The following PIAS4 variants were observed in gnomAD, a reference collection of about 807,000 sequenced individuals.
PIAS4 encodes E3 SUMO-protein ligase PIAS4.
In PIAS4, 7 loss-of-function variants were observed where a neutral mutation model predicts 58.0. That is an observed-to-expected ratio of 0.12 (90% CI 0.07 to 0.23). The LOEUF is 0.23. PIAS4 is among the 10% of genes least tolerant of loss of function. PIAS4 has a pLI of 1.00. For synonymous variants in PIAS4, 364 were observed against 312.4 expected (o/e 1.17, Z -1.74); for missense variants, 550 against 709.5 (o/e 0.78, Z 2.55).
chr19:4,020,444 CGTT>C (rs113133319), intron 2 of PIAS4, among the ~76,000 whole-genome samples: 6 of 151,724 alleles, frequency 4.0e-5, no homozygotes, highest in Admixed American at 1.3e-4. Flanking sequence ...CCTGTCATCT[CGTT>C]GTCTCGTCTC....
In PIAS4 at chr19:4,038,829, C is replaced by T. The variant is rs1298637079; in HGVS notation, c.*954C>T. On this transcript the variant is annotated 3_prime_UTR_variant, in exon 11 of 11. Transcript: ENST00000262971. This position sits in a 1 kb window ranked among gnomAD's most constrained non-coding sequence, Gnocchi z 4.1. Reference sequence around the variant, plus strand: ...CCCGGCTCTCGGTTTGGGTTGATTCCTCTCCTTTTTGCTCTTGGTTTTCCG... The same window carrying T: ...CCCGGCTCTCGGTTTGGGTTGATTCTTCTCCTTTTTGCTCTTGGTTTTCCG... 5 of 153,258 alleles carry T rather than the reference C, an allele frequency of 3.3e-5. No homozygotes were observed. In the Admixed American group the frequency reaches 3.3e-4, roughly 10 times the overall value. The allele number at this position is 153,258 out of a possible 1,614,324, so 9.5% of individuals were successfully genotyped here.
At chr19:4,020,495 G>T (rs542868764) in intron 2 of PIAS4, among the ~76,000 whole-genome samples, 4 of 150,506 alleles carry the variant, frequency 2.7e-5, no homozygotes, top group Non-Finnish European at 4.4e-5. Context: ...CCAGATTCTC[G>T]CTCCCCCACG....
chr19:4,033,673 G>A (rs1172218154), intron 9 of PIAS4, 93 bp downstream of exon 9: 1 of 1,066,910 alleles, frequency 9.4e-7, no homozygotes, highest in Non-Finnish European at 1.3e-6. Context: ...TGGTGCCCCA[G>A]CAAGACACAG....
chr19:4,028,637 T>TTGGGGGGCGTGGAGGGAGGG, intron 5 of PIAS4, 37 bp downstream of exon 5: 1 of 1,609,156 alleles, frequency 6.2e-7, no homozygotes, highest in Non-Finnish European at 8.5e-7. Flanking sequence ...CTGCACGGGT[T>TTGGGGGGCGTGGAGGGAGGG]TGGGGGGCGT....
chr19:4,034,997 G>A (rs1274620660), intron 9 of PIAS4, among the ~76,000 whole-genome samples: 2 of 152,166 alleles, frequency 1.3e-5, no homozygotes, highest in African/African-American at 2.4e-5. Flanking sequence ...AAACGTTCCC[G>A]TTGCTGTGTG....
chr19:4,013,869 G>T lies in PIAS4; in HGVS notation c.454+520G>T, dbSNP rs561789668. On this transcript the variant is annotated intron_variant, in intron 2 of 10. Coordinates refer to ENST00000262971, the MANE Select transcript of PIAS4 (RefSeq NM_015897.4). This position sits in a 1 kb window ranked among gnomAD's most constrained non-coding sequence, Gnocchi z 5.1. ...GTGCACCTCCAAGCTGGGAGCTGGA[G>T]CCCTTTTTATAACCCAACCTCGGAC... Among the ~76,000 whole-genome samples, 1 of 152,126 alleles carries T rather than the reference G, an allele frequency of 6.6e-6. No homozygotes were observed. Among genetic ancestry groups the T allele is most frequent in the Non-Finnish European group, 1.5e-5 (1 of 68,002 alleles).
chr19:4,033,305 G>A, intron 8 of PIAS4, 115 bp from the exon 9 acceptor site: 1 of 1,315,840 alleles, frequency 7.6e-7, no homozygotes, highest in Non-Finnish European at 1.0e-6. Flanking sequence ...TCCCCTCCGT[G>A]TTCCTGAGGC....
At chr19:4,012,857 G>C (rs568936049) in intron 1 of PIAS4, 66 bp from the exon 2 acceptor site, 2 of 1,504,518 alleles carry the variant, frequency 1.3e-6, no homozygotes, top group East Asian at 4.5e-5. Context: ...TCGGGGCCTG[G>C]CCTCCATGGA....
intron 2 of PIAS4, among the ~76,000 whole-genome samples, chr19:4,021,742 CTTTTT>C (rs776416490): frequency 9.6e-6 from 1 of 104,086 alleles, no homozygotes; most frequent in African/African-American, 3.6e-5. Flanking sequence ...TTTTCTTTTT[CTTTTT>C]TTTTTTTTTT....
intron 1 of PIAS4, among the ~76,000 whole-genome samples, chr19:4,008,198 G>C (rs748410601): frequency 4.6e-5 from 7 of 152,038 alleles, no homozygotes; most frequent in Admixed American, 3.3e-4. Flanking sequence ...TGGTGTGTTG[G>C]GGGGAGTGTC....
At chr19:4,024,396 C>T (rs1003350885) in intron 3 of PIAS4, among the ~76,000 whole-genome samples, 2 of 152,250 alleles carry the variant, frequency 1.3e-5, no homozygotes, top group Non-Finnish European at 2.9e-5. Flanking sequence ...CTCCTGGGCC[C>T]ATCCTGGGCA....
rs1250343546 is a variant in PIAS4, at chr19:4,037,236, C to T, written c.1143-138C>T. The T allele has an allele frequency of 4.6e-5, 52 of 1,128,338 alleles. No individual in the cohort carries two copies. The highest frequency in any genetic ancestry group is 6.3e-5 in the Non-Finnish European group (51 of 812,816). 69.9% of individuals were successfully genotyped at this position (1,128,338 alleles called of 1,614,324 possible). A position where few individuals can be genotyped will look rare whatever the true frequency, so the allele number is the denominator to read the frequency against. ...GGAGGGAATGCGGGGTCCCTGGACCCCTGCGGTCGGGGTGGTGAGGCTGCT... is the reference window on the plus strand; with the variant it reads ...GGAGGGAATGCGGGGTCCCTGGACCTCTGCGGTCGGGGTGGTGAGGCTGCT... On this transcript the variant is annotated intron_variant, in intron 9 of 10. Coordinates refer to ENST00000262971, the MANE Select transcript of PIAS4 (RefSeq NM_015897.4). The surrounding 1 kb of genome is among the most constrained non-coding windows in gnomAD (Gnocchi z 5.8).
intron 2 of PIAS4, chr19:4,017,586 G>C (rs1156264705): frequency 1.3e-5 from 2 of 152,128 alleles, no homozygotes; most frequent in Non-Finnish European, 2.9e-5. Context: ...GTGGGTCCGG[G>C]AGTTAGAGAA....
chr19:4,015,394 G>A (rs777801263), intron 2 of PIAS4, among the ~76,000 whole-genome samples: 3 of 152,138 alleles, frequency 2.0e-5, no homozygotes, highest in Non-Finnish European at 4.4e-5. Context: ...CCTGATCTCC[G>A]GGAGAGCCTG....
intron 4 of PIAS4, 36 bp downstream of exon 4, chr19:4,028,223 C>T (rs1488345297): frequency 3.8e-6 from 6 of 1,572,466 alleles, no homozygotes; most frequent in South Asian, 1.1e-5. Context: ...CAGGGCTGGA[C>T]CCCCAGCCAC....
chr19:4,022,520 C>T (rs2040120286), intron 2 of PIAS4, among the ~76,000 whole-genome samples: 2 of 152,110 alleles, frequency 1.3e-5, no homozygotes, highest in South Asian at 4.2e-4. Context: ...GCGCCTGCCA[C>T]TACACCCAGC....
intron 1 of PIAS4, among the ~76,000 whole-genome samples, chr19:4,011,686 T>A: frequency 8.1e-6 from 1 of 123,626 alleles, no homozygotes; most frequent in African/African-American, 2.9e-5. Context: ...GGTGTGGAGG[T>A]GTGTGGGGTG....
At chr19:4,008,090 C>T (rs976241331) in intron 1 of PIAS4, among the ~76,000 whole-genome samples, 1 of 151,988 alleles carries the variant, frequency 6.6e-6, no homozygotes, top group South Asian at 2.1e-4. Context: ...CAGGCCAGGG[C>T]CGCGCCTCCC....
chr19:4,037,993 TC>T lies in PIAS4; in HGVS notation c.*120del, dbSNP rs1268720251. The T allele has an allele frequency of 1.6e-5, 18 of 1,156,704 alleles. No individual in the cohort carries two copies. Among genetic ancestry groups the T allele is most frequent in the Non-Finnish European group, 2.0e-5 (17 of 832,602 alleles). 71.7% of individuals were successfully genotyped at this position (1,156,704 alleles called of 1,614,324 possible). The stretch of plus-strand genomic sequence containing the variant: ...TTTTTATTGTCGTTCGTTTTGTTTT[TC>T]CACCCTTTTGCCTGGCTCCTGGCAC... On this transcript the variant is annotated 3_prime_UTR_variant, in exon 11 of 11. Transcript: ENST00000262971. The surrounding 1 kb of genome is among the most constrained non-coding windows in gnomAD (Gnocchi z 5.8).
Sources: allele counts gnomAD v4.1 joint callset (sites outside exome capture counted in the v4.1 genomes callset), GRCh38; gene constraint gnomAD v4.1.1; non-coding constraint Gnocchi (gnomAD v3.1); transcripts MANE v1.5; gene names NCBI Gene and HGNC (gene_info 2026-07-23, HGNC 2026-07-21).